Variants in MYH8 observed in about 807,000 individuals in gnomAD.
MYH8 encodes myosin-8.
MYH8 carries 168 observed loss-of-function variants against 233.2 expected under a neutral mutation model. The observed-to-expected ratio is 0.72, with a 90% CI of 0.64 to 0.82. The LOEUF (loss-of-function observed/expected upper bound fraction) is 0.82, where lower values mean the gene tolerates loss of function less well. Among genes scored for constraint, MYH8 ranks in the 40% least tolerant of loss-of-function variants. MYH8 has a pLI of 0.00. For synonymous variants in MYH8, 785 were observed against 850.6 expected (o/e 0.92, Z 1.34); for missense variants, 1,995 against 2,327.8 (o/e 0.86, Z 2.94).
chr17:10,395,559 G>A, intron 33 of MYH8, 118 bp from the exon 34 acceptor site: 1 of 992,224 alleles, frequency 1.0e-6, no homozygotes, highest in Non-Finnish European at 1.5e-6. Flanking sequence ...GTATAATACA[G>A]TAGTTCTGGG....
Position 10,406,013 on chromosome 17 carries a change from T to C in MYH8, c.2432+28A>G, listed in dbSNP as rs377564952. 4.5e-5 allele frequency: 73 copies of C among 1,612,000 alleles called. No homozygotes were observed. The African/African-American group carries it at 9.1e-4, about 20-fold the overall frequency. ...GATTGATAGTCCTTAAGGGACCTTATAATTCTGATATTCTGAATGATTGTT... is the reference window on the plus strand; with the variant it reads ...GATTGATAGTCCTTAAGGGACCTTACAATTCTGATATTCTGAATGATTGTT... On this transcript the variant is annotated intron_variant, in intron 21 of 39. Transcript: ENST00000403437.
chr17:10,421,313 C>A (rs768440313), intron 2 of MYH8, among the ~76,000 whole-genome samples: 2 of 152,052 alleles, frequency 1.3e-5, no homozygotes, highest in African/African-American at 2.4e-5. Context: ...TTTCTGGAGT[C>A]TTTAAAAATG....
chr17:10,412,549 T>C lies in MYH8; in HGVS notation c.1267-30A>G, dbSNP rs773823765. 3 of 1,614,252 alleles carry C rather than the reference T, an allele frequency of 1.9e-6. No individual in the cohort carries two copies. In the Admixed American group the frequency reaches 5.0e-5, roughly 27 times the overall value. ...ACAGATAGAGTAATGTTTGTTGGTATTGTTAAAGACATGCCATGAAGGCCT... is the reference window on the plus strand; with the variant it reads ...ACAGATAGAGTAATGTTTGTTGGTACTGTTAAAGACATGCCATGAAGGCCT... On this transcript the variant is annotated intron_variant, in intron 13 of 39. Coordinates refer to ENST00000403437, the MANE Select transcript of MYH8 (RefSeq NM_002472.3).
chr17:10,405,092 C>T (rs1196488505), intron 21 of MYH8, among the ~76,000 whole-genome samples: 1 of 152,138 alleles, frequency 6.6e-6, no homozygotes, highest in East Asian at 1.9e-4. Context: ...CTTGAAGTTG[C>T]TCCTCTTATT....
rs1384422808 is a variant in MYH8 at position 10,415,096 on chromosome 17, T to C, written c.805+20A>G. ...ATCACTTGTCTCTCTGTTTTGATTT[T>C]CAATGGTCCTGTTACTCACATGTTT... On this transcript the variant is annotated intron_variant, in intron 9 of 39. Transcript: ENST00000403437. This position sits in a 1 kb window ranked among gnomAD's most constrained non-coding sequence, Gnocchi z 4.1. 5 of 1,607,586 alleles carry C rather than the reference T, an allele frequency of 3.1e-6. No individual in the cohort carries two copies. In the South Asian group the frequency reaches 4.4e-5, roughly 14 times the overall value.
rs756551633 is a variant in MYH8 at position 10,412,371 on chromosome 17, T to C, written c.1415A>G (p.Asp472Gly). 1.2e-6 allele frequency: 2 copies of C among 1,614,146 alleles called. No homozygotes were observed. The highest frequency in any genetic ancestry group is 1.7e-5 in the Admixed American group (1 of 60,022). ...TTAATTCTTGTTAATATAACTCACA[T>C]CAAAGATTTCAAAGCCAGCAATGTC... ...VLDIAGFEIFDFNSLEQLCIN... is the reference protein window; with the variant it reads ...VLDIAGFEIFGFNSLEQLCIN... Residue 472 changes from aspartate (D) to glycine (G), a missense_variant and splice_region_variant, in exon 14 of 40, where the codon GAT (aspartate) becomes GGT (glycine). This residue lies in a region of MYH8 where 479 missense variants were observed against 600.9 expected (regional missense o/e 0.80). Transcript: ENST00000403437.
chr17:10,395,825 G>T (rs1400280628), intron 33 of MYH8, among the ~76,000 whole-genome samples: 2 of 152,054 alleles, frequency 1.3e-5, no homozygotes, highest in Non-Finnish European at 2.9e-5. Flanking sequence ...CATAATAAAT[G>T]TTCATTGTAT....
At position 10,390,562 on chromosome 17, in the gene MYH8, G is replaced by T. The variant is rs2072011145; in HGVS notation, c.5706C>A (p.Leu1902=). 2 of 1,614,036 alleles carry T rather than the reference G, an allele frequency of 1.2e-6. No individual in the cohort carries two copies. The highest frequency in any genetic ancestry group is 2.7e-5 in the African/African-American group (2 of 74,916). The change falls in exon 40 of 40, where the codon CTC becomes CTA. Residue 1902 remains leucine (L), a synonymous_variant. Coordinates refer to ENST00000403437, the MANE Select transcript of MYH8 (RefSeq NM_002472.3). ...SNANLSKFRK[L]QHELEEAEER... is the part of the protein sequence containing the mutation. ...CCTCGGCCTCCTCCAGCTCATGCTG[G>T]AGTTTGCGGAATTTAGATAGATTAG...
At position 10,392,904 on chromosome 17, in the gene MYH8, T is replaced by C. The variant is rs1221079892; in HGVS notation, c.5390A>G (p.Gln1797Arg). 6.2e-7 allele frequency: 1 copy of C among 1,614,238 alleles called. No homozygotes were observed. Among genetic ancestry groups the C allele is most frequent in the South Asian group, 1.1e-5 (1 of 91,080 alleles). The stretch of plus-strand genomic sequence containing the variant: ...CTGCTCGGCCTCATCTAGACGATGC[T>C]GCAGGTCCTTCACCGTCTGCTCCAG... ...KNLEQTVKDL[Q>R]HRLDEAEQLA... Residue 1797 changes from glutamine (Q) to arginine (R), a missense_variant, in exon 37 of 40, where the codon CAG (glutamine) becomes CGG (arginine). By Grantham distance (43) the Gln-to-Arg change is conservative. Coordinates refer to ENST00000403437, the MANE Select transcript of MYH8 (RefSeq NM_002472.3).
In MYH8 at chr17:10,393,141, C is replaced by A. The variant is rs779629920; in HGVS notation, c.5236G>T (p.Glu1746Ter). ...DVSQLQSEVEEVIQESRNAEE... is the reference protein window; with the variant it reads ...DVSQLQSEVE Reference sequence around the variant, plus strand: ...GCATTGCGTGATTCTTGGATTACTTCTTCCACTTCACTTTGGAGTTGGGAA... The same window carrying A: ...GCATTGCGTGATTCTTGGATTACTTATTCCACTTCACTTTGGAGTTGGGAA... Residue 1746 changes from glutamate (E) to a stop codon, truncating the protein, a stop_gained, in exon 36 of 40, where the codon GAA (glutamate) becomes TAA (stop). Coordinates refer to ENST00000403437, the MANE Select transcript of MYH8 (RefSeq NM_002472.3). LOFTEE classifies it high-confidence loss of function. 4 of 1,614,194 alleles carry A rather than the reference C, an allele frequency of 2.5e-6. No homozygotes were observed. Among genetic ancestry groups the A allele is most frequent in the Non-Finnish European group, 3.4e-6 (4 of 1,180,048 alleles).
intron 22 of MYH8, among the ~76,000 whole-genome samples, chr17:10,402,705 A>G (rs911215122): frequency 6.6e-6 from 1 of 152,128 alleles, no homozygotes. Context: ...TTTCTCTCCT[A>G]AGGACATGAA....
At chr17:10,390,741 GT>G in intron 39 of MYH8, 138 bp from the exon 40 acceptor site, 1 of 1,002,094 alleles carries the variant, frequency 1.0e-6, no homozygotes, top group Non-Finnish European at 1.5e-6. Context: ...TCTAAACAGA[GT>G]TTATAACTTC....
At chr17:10,413,133 T>C (rs1234192985) in intron 12 of MYH8, among the ~76,000 whole-genome samples, 2 of 152,226 alleles carry the variant, frequency 1.3e-5, no homozygotes, top group Non-Finnish European at 2.9e-5. Context: ...CACCTCCCTA[T>C]TAAACCTTGC....
In MYH8 at chr17:10,419,887, C is replaced by T. The variant is rs999936318; in HGVS notation, c.210+131G>A. The T allele has an allele frequency of 5.8e-6, 6 of 1,037,150 alleles. No individual in the cohort carries two copies. Among genetic ancestry groups the T allele is most frequent in the Admixed American group, 3.4e-5 (2 of 58,210 alleles). 64.2% of individuals were successfully genotyped at this position (1,037,150 alleles called of 1,614,324 possible). A position where few individuals can be genotyped will look rare whatever the true frequency, so the allele number is the denominator to read the frequency against. On this transcript the variant is annotated intron_variant, in intron 3 of 39. Transcript: ENST00000403437. The surrounding 1 kb of genome is among the most constrained non-coding windows in gnomAD (Gnocchi z 4.0). ...TGCTGTGAATTTCTTTTGCCTTCCACATCTAATGTCTCAACACTGACTAGA... is the reference window on the plus strand; with the variant it reads ...TGCTGTGAATTTCTTTTGCCTTCCATATCTAATGTCTCAACACTGACTAGA...
intron 22 of MYH8, among the ~76,000 whole-genome samples, chr17:10,403,412 T>TA: frequency 6.6e-6 from 1 of 152,166 alleles, no homozygotes; most frequent in Admixed American, 6.5e-5. Context: ...TTCTTGAGTT[T>TA]AAAAAACGTT....
chr17:10,397,083 CT>C (rs1207475082), intron 30 of MYH8, 97 bp from the exon 31 acceptor site: 5 of 1,372,918 alleles, frequency 3.6e-6, no homozygotes, highest in Non-Finnish European at 5.0e-6. Context: ...CTTTTCTTTT[CT>C]TTTGTTTCTT....
chr17:10,390,379 G>T lies in MYH8; in HGVS notation c.*75C>A. ...ATTCAGCTTTAACAGGAAAATAAACGTCATAAAGCAAGTGACCAAAAATAG... is the reference window on the plus strand; with the variant it reads ...ATTCAGCTTTAACAGGAAAATAAACTTCATAAAGCAAGTGACCAAAAATAG... On this transcript the variant is annotated 3_prime_UTR_variant, in exon 40 of 40. Transcript: ENST00000403437. 2 of 1,557,968 alleles carry T rather than the reference G, an allele frequency of 1.3e-6. No individual in the cohort carries two copies. Among genetic ancestry groups the T allele is most frequent in the South Asian group, 1.1e-5 (1 of 89,814 alleles).
chr17:10,396,883 C>G lies in MYH8; in HGVS notation c.4282G>C (p.Val1428Leu). ...TCCACATCAAGCATGAGGTCTTCAACTTCATTCTGGAGCCGCTGCTTCGTC... is the reference window on the plus strand; with the variant it reads ...TCCACATCAAGCATGAGGTCTTCAAGTTCATTCTGGAGCCGCTGCTTCGTC... ...EKTKQRLQNE[V>L]EDLMLDVERS... Residue 1428 changes from valine (V) to leucine (L), a missense_variant, in exon 31 of 40, where the codon GTT (valine) becomes CTT (leucine). Val to Leu is a conservative substitution (Grantham distance 32). Around this residue, in one of 3 missense-constraint regions of MYH8, gnomAD observed 1,498 missense variants for 1,680.9 expected, o/e 0.89. Transcript: ENST00000403437. The surrounding 1 kb of genome is among the most constrained non-coding windows in gnomAD (Gnocchi z 4.2). The G allele has an allele frequency of 6.2e-7, 1 of 1,614,220 alleles. No homozygotes were observed. The highest frequency in any genetic ancestry group is 8.5e-7 in the Non-Finnish European group (1 of 1,180,044).
rs1338006754 is a variant in MYH8 at position 10,412,748 on chromosome 17, G to T, written c.1148-20C>A. On this transcript the variant is annotated intron_variant, in intron 12 of 39. Transcript: ENST00000403437. ...CAGCGACTGCAGAGACACAGTTCAG[G>T]ACATGTTGTTTCATGAAGGATATCC... The T allele has an allele frequency of 1.3e-6, 2 of 1,574,996 alleles. No homozygotes were observed. Among genetic ancestry groups the T allele is most frequent in the Admixed American group, 3.3e-5 (2 of 59,964 alleles).
Sources: allele counts gnomAD v4.1 joint callset (sites outside exome capture counted in the v4.1 genomes callset), GRCh38; gene constraint gnomAD v4.1.1; regional missense constraint gnomAD v4.1.1; non-coding constraint Gnocchi (gnomAD v3.1); transcripts MANE v1.5; gene names NCBI Gene and HGNC (gene_info 2026-07-23, HGNC 2026-07-21).